The following IGFL2 variants were observed in gnomAD, a reference collection of about 807,000 sequenced individuals.
IGFL2 encodes IGF like family member 2, also known as insulin growth factor-like family member 2.
IGFL2 carries 7 observed loss-of-function variants against 13.9 expected under a neutral mutation model. The ratio of observed to expected loss-of-function variants is 0.51; its 90% confidence interval spans 0.29 to 0.95. IGFL2 has a LOEUF of 0.95. IGFL2 is among the 40% of genes least tolerant of loss of function. IGFL2 has a pLI of 0.08. For synonymous variants in IGFL2, 55 were observed against 55.8 expected (o/e 0.99, Z 0.07); for missense variants, 138 against 147.8 (o/e 0.93, Z 0.34).
intron 1 of IGFL2, 47 bp downstream of exon 1, chr19:46,148,344 C>T: frequency 6.7e-7 from 1 of 1,481,514 alleles, no homozygotes. Flanking sequence ...ACTGTTATCC[C>T]TAATGTACCT....
chr19:46,150,818 C>T (rs923700851), intron 1 of IGFL2, among the ~76,000 whole-genome samples: 2 of 152,206 alleles, frequency 1.3e-5, no homozygotes, highest in South Asian at 4.1e-4. Flanking sequence ...CACAGGCACG[C>T]ACCACCACAC....
At chr19:46,098,675 C>T in the IGFL2 span, among the ~76,000 whole-genome samples, 3 of 152,164 alleles carry the variant, frequency 2.0e-5, no homozygotes, top group Non-Finnish European at 2.9e-5. Flanking sequence ...TATGTGGTTT[C>T]ACCATATTGG....
chr19:46,100,601 C>T, the IGFL2 span, among the ~76,000 whole-genome samples: 2 of 152,250 alleles, frequency 1.3e-5, no homozygotes, highest in South Asian at 4.2e-4. Context: ...AGGATGACAG[C>T]ACCTGGAAAG....
At chr19:46,081,177 G>A in the IGFL2 span, among the ~76,000 whole-genome samples, 2 of 152,186 alleles carry the variant, frequency 1.3e-5, no homozygotes, top group African/African-American at 4.8e-5. Flanking sequence ...CTTATTTCAG[G>A]TGTGAGGGAG....
At chr19:46,143,381 G>GT (rs1348821714), upstream of IGFL2, among the ~76,000 whole-genome samples, 2 of 150,420 alleles carry the variant, frequency 1.3e-5, no homozygotes, top group African/African-American at 4.9e-5. Flanking sequence ...TTGTAGTTAC[G>GT]TTTTTTGTTT....
At chr19:46,178,486 G>A in the IGFL2 span, among the ~76,000 whole-genome samples, 1 of 152,118 alleles carries the variant, frequency 6.6e-6, no homozygotes, top group African/African-American at 2.4e-5. Context: ...ATTTACAACT[G>A]TACAGAATCT....
the IGFL2 span, among the ~76,000 whole-genome samples, chr19:46,194,853 T>TATATATATA: frequency 2.1e-4 from 3 of 14,130 alleles, no homozygotes; most frequent in African/African-American, 3.8e-4. Context: ...TATATATATA[T>TATATATATA]TTTTTTTTTT....
the IGFL2 span, among the ~76,000 whole-genome samples, chr19:46,107,765 G>A: frequency 6.6e-6 from 1 of 152,156 alleles, no homozygotes; most frequent in South Asian, 2.1e-4. Context: ...TATCGGGACT[G>A]GATTGGATAA....
the IGFL2 span, among the ~76,000 whole-genome samples, chr19:46,136,193 T>A: frequency 2.0e-5 from 3 of 152,122 alleles, no homozygotes; most frequent in Non-Finnish European, 4.4e-5. Context: ...TCCAGGTTGC[T>A]TGCCCTCTCT....
At chr19:46,178,120 TAAAA>T in the IGFL2 span, among the ~76,000 whole-genome samples, 2 of 151,708 alleles carry the variant, frequency 1.3e-5, no homozygotes, top group African/African-American at 2.4e-5. Flanking sequence ...CTACTAAAAA[TAAAA>T]AAATTAGTCG....
chr19:46,211,861 G>A, the IGFL2 span, among the ~76,000 whole-genome samples: 2 of 152,040 alleles, frequency 1.3e-5, no homozygotes, highest in African/African-American at 4.8e-5. Flanking sequence ...TTCCTGGAAT[G>A]TGAAACCTCT....
At chr19:46,085,797 ACT>A in the IGFL2 span, among the ~76,000 whole-genome samples, 1 of 152,058 alleles carries the variant, frequency 6.6e-6, no homozygotes. Context: ...CCCTTAAGGA[ACT>A]CTTGTAAGGC....
chr19:46,205,691 C>T, the IGFL2 span, among the ~76,000 whole-genome samples: 10 of 152,230 alleles, frequency 6.6e-5, no homozygotes, highest in East Asian at 1.9e-4. Flanking sequence ...TCCATGTACT[C>T]GATTTTCTTG....
the IGFL2 span, among the ~76,000 whole-genome samples, chr19:46,090,951 A>G: frequency 1.3e-5 from 2 of 152,112 alleles, no homozygotes; most frequent in African/African-American, 2.4e-5. Context: ...CTTTCCACCA[A>G]GCAGACAGTA....
At chr19:46,199,627 T>G in the IGFL2 span, among the ~76,000 whole-genome samples, 6 of 152,114 alleles carry the variant, frequency 3.9e-5, no homozygotes, top group African/African-American at 1.2e-4. Context: ...CCCTGAGAGA[T>G]CAGGCTCAGG....
chr19:46,129,787 G>T, the IGFL2 span, among the ~76,000 whole-genome samples: 3 of 152,110 alleles, frequency 2.0e-5, no homozygotes, highest in Non-Finnish European at 4.4e-5. Flanking sequence ...TGATTATGTG[G>T]TCGATTTTTC....
At chr19:46,120,374 A>C in the IGFL2 span, 3 of 1,610,856 alleles carry the variant, frequency 1.9e-6, no homozygotes, top group Non-Finnish European at 2.5e-6. Flanking sequence ...CAGTGCCCCA[A>C]ATCAAAGTGT....
At chr19:46,154,304 T>A (rs796638778) in intron 1 of IGFL2, among the ~76,000 whole-genome samples, 11 of 152,346 alleles carry the variant, frequency 7.2e-5, no homozygotes, top group African/African-American at 2.6e-4. Flanking sequence ...GCCTGTGGGC[T>A]GCTTAATGTC....
At chr19:46,136,354 G>A in the IGFL2 span, among the ~76,000 whole-genome samples, 4 of 152,018 alleles carry the variant, frequency 2.6e-5, no homozygotes, top group East Asian at 7.7e-4. Flanking sequence ...AACAAGAATT[G>A]AAAATCTATT....
Sources: allele counts gnomAD v4.1 joint callset (sites outside exome capture counted in the v4.1 genomes callset), GRCh38; gene constraint gnomAD v4.1.1; transcripts MANE v1.5; gene names NCBI Gene and HGNC (gene_info 2026-07-23, HGNC 2026-07-21).